The following PDLIM5 variants were observed in gnomAD, a reference collection of about 807,000 sequenced individuals.
PDLIM5 encodes the protein PDZ and LIM domain protein 5.
In PDLIM5, 34 loss-of-function variants were observed where a neutral mutation model predicts 64.2. The observed-to-expected ratio is 0.53, with a 90% CI of 0.40 to 0.71. The LOEUF (loss-of-function observed/expected upper bound fraction) is 0.71. Ranked by LOEUF, PDLIM5 falls within the 30% of genes least tolerant of loss-of-function variation. The pLI is 0.00. For missense variants in PDLIM5, 683 were observed against 733.6 expected, an observed-to-expected ratio of 0.93 and a Z score of 0.80; for synonymous variants, 253 against 269.1, an observed-to-expected ratio of 0.94 and a Z score of 0.59.
intron 7 of PDLIM5, among the ~76,000 whole-genome samples, chr4:94,602,014 GAATCT>G (rs1206565980): frequency 1.3e-5 from 2 of 152,160 alleles, no homozygotes; most frequent in Non-Finnish European, 2.9e-5. Flanking sequence ...CAAAAGGGCA[GAATCT>G]AGCTATGACT....
At chr4:94,618,685 A>G (rs1242573510) in intron 8 of PDLIM5, among the ~76,000 whole-genome samples, 1 of 152,210 alleles carries the variant, frequency 6.6e-6, no homozygotes, top group Non-Finnish European at 1.5e-5. Flanking sequence ...AGCAGGATGG[A>G]ACTGCCTGGC....
chr4:94,457,230 A>G, intron 2 of PDLIM5: 1 of 870,050 alleles, frequency 1.1e-6, no homozygotes. Context: ...GGATTTTTTT[A>G]AAGTTATCTT....
chr4:94,630,530 T>G (rs1261795588), intron 8 of PDLIM5, among the ~76,000 whole-genome samples: 3 of 152,020 alleles, frequency 2.0e-5, no homozygotes, highest in Admixed American at 1.3e-4. Flanking sequence ...CGCACCACCA[T>G]GCCCGGCTAA....
At position 94,656,851 on chromosome 4, in the gene PDLIM5, G is replaced by A. The variant is rs558189843; in HGVS notation, c.1465-576G>A. The stretch of plus-strand genomic sequence containing the variant: ...GGGTTTCACCGTGTTAGCCAGGATG[G>A]TCTCGATCTCCTGAACTCGTGATCC... On this transcript the variant is annotated intron_variant, in intron 10 of 12. Transcript: ENST00000317968. 870 of 151,766 alleles carry A rather than the reference G, an allele frequency of 5.7e-3. 3 individuals are homozygous for A. The highest frequency in any genetic ancestry group is 0.021 in the Middle Eastern group (6 of 292). 9.4% of individuals were successfully genotyped at this position (151,766 alleles called of 1,614,324 possible).
At chr4:94,625,603 C>A (rs1739620843) in intron 8 of PDLIM5, among the ~76,000 whole-genome samples, 1 of 152,032 alleles carries the variant, frequency 6.6e-6, no homozygotes, top group Non-Finnish European at 1.5e-5. Flanking sequence ...CAGGCGCCCG[C>A]CACCATGCCC....
chr4:94,461,137 A>G (rs957009010), intron 2 of PDLIM5, among the ~76,000 whole-genome samples: 2 of 152,240 alleles, frequency 1.3e-5, no homozygotes, highest in Non-Finnish European at 2.9e-5. Flanking sequence ...AGTTATTTCT[A>G]GAAGCAAACG....
At position 94,639,066 on chromosome 4, in the gene PDLIM5, G is replaced by C. The variant is rs190184894; in HGVS notation, c.1109-1210G>C. 5.4e-4 allele frequency among the ~76,000 whole-genome samples: 82 copies of C among 152,230 alleles called. No homozygotes were observed. In the Middle Eastern group the frequency reaches 0.014, roughly 25 times the overall value. On this transcript the variant is annotated intron_variant, in intron 8 of 12. Coordinates refer to ENST00000317968, the MANE Select transcript of PDLIM5 (RefSeq NM_006457.5). Reference sequence around the variant, plus strand: ...TTCAGGGAGAGTTTTTGGAGTAGTCGACTTCTGGGCTGAGACTTAAACAAT... The same window carrying C: ...TTCAGGGAGAGTTTTTGGAGTAGTCCACTTCTGGGCTGAGACTTAAACAAT...
At chr4:94,562,639 G>A (rs933675064) in intron 3 of PDLIM5, among the ~76,000 whole-genome samples, 3 of 152,142 alleles carry the variant, frequency 2.0e-5, no homozygotes, top group African/African-American at 7.2e-5. Context: ...AGTCCAGTTT[G>A]GGTGTTGAGA....
rs1728104602 is a variant in PDLIM5, at chr4:94,503,398, A to G, written c.97-20326A>G. ...AGGATTTCTTAATCTGTCTTTAGCC[A>G]GTAGAATTTTTGAATAACTTGGGTA... On this transcript the variant is annotated intron_variant, in intron 2 of 12. Transcript: ENST00000317968. 2.6e-5 allele frequency among the ~76,000 whole-genome samples: 4 copies of G among 152,326 alleles called. No homozygotes were observed. The South Asian group carries it at 8.3e-4, about 32-fold the overall frequency.
At chr4:94,547,482 C>T (rs928494520) in intron 3 of PDLIM5, among the ~76,000 whole-genome samples, 1 of 152,174 alleles carries the variant, frequency 6.6e-6, no homozygotes, top group Non-Finnish European at 1.5e-5. Context: ...CTTGTGATTA[C>T]AGTAGGCCCA....
chr4:94,559,357 G>C (rs549322050), intron 3 of PDLIM5, among the ~76,000 whole-genome samples: 1 of 152,182 alleles, frequency 6.6e-6, no homozygotes, highest in South Asian at 2.1e-4. Flanking sequence ...TTCTTCTATA[G>C]CTCTGTCTTC....
intron 2 of PDLIM5, among the ~76,000 whole-genome samples, chr4:94,468,265 G>A (rs1724549854): frequency 6.6e-6 from 1 of 152,052 alleles, no homozygotes; most frequent in South Asian, 2.1e-4. Context: ...CGATCCTCCT[G>A]CCTTAGCCTC....
intron 2 of PDLIM5, among the ~76,000 whole-genome samples, chr4:94,518,687 C>T (rs1298493079): frequency 6.6e-6 from 1 of 152,068 alleles, no homozygotes; most frequent in Non-Finnish European, 1.5e-5. Context: ...AACATAGAAT[C>T]TTCTCTTTTC....
intron 2 of PDLIM5, among the ~76,000 whole-genome samples, chr4:94,500,056 C>T (rs958084990): frequency 6.6e-6 from 1 of 152,184 alleles, no homozygotes. Flanking sequence ...TTTGTATCTG[C>T]AGGGGGTCTT....
chr4:94,611,179 C>T (rs1738335240), intron 7 of PDLIM5: 28 of 1,535,342 alleles, frequency 1.8e-5, no homozygotes, highest in Non-Finnish European at 2.3e-5. Flanking sequence ...TCAACTGGCT[C>T]TATCCATGTT....
At chr4:94,662,687 TATTAA>T in intron 12 of PDLIM5, 150 bp downstream of exon 12, 2 of 459,768 alleles carry the variant, frequency 4.4e-6, no homozygotes, top group African/African-American at 2.0e-5. Context: ...GAAAGTTGTT[TATTAA>T]ATTTTTTGGC....
At chr4:94,476,963 TTATAAA>T (rs1329289271) in intron 2 of PDLIM5, among the ~76,000 whole-genome samples, 3 of 152,216 alleles carry the variant, frequency 2.0e-5, no homozygotes, top group Non-Finnish European at 4.4e-5. Flanking sequence ...GACTGTGCAA[TTATAAA>T]TATAAACTGT....
chr4:94,664,436 C>A lies in PDLIM5; in HGVS notation c.*369C>A. On this transcript the variant is annotated 3_prime_UTR_variant, in exon 13 of 13. Transcript: ENST00000317968. Reference sequence around the variant, plus strand: ...CCTTGTTAGGTAGTTATGAGTAAATCTGCAAAAGGCAATGAAAATGCCTTA... The same window carrying A: ...CCTTGTTAGGTAGTTATGAGTAAATATGCAAAAGGCAATGAAAATGCCTTA... 1 of 796,798 alleles carries A rather than the reference C, an allele frequency of 1.3e-6. No individual in the cohort carries two copies. The highest frequency in any genetic ancestry group is 1.5e-6 in the Non-Finnish European group (1 of 657,966). The allele number at this position is 796,798 out of a possible 1,614,324, so 49.4% of individuals were successfully genotyped here. A position where few individuals can be genotyped will look rare whatever the true frequency, so the allele number is the denominator to read the frequency against.
rs568668908 is a variant in PDLIM5, at chr4:94,491,602, A to ATT, written c.97-32114_97-32113dup. ...CAACTGAGAAGCATCAGCTGTGTTG[A>ATT]TTTTTTTTTACAGCATTGGTAAGGT... On this transcript the variant is annotated intron_variant, in intron 2 of 12. Transcript: ENST00000317968. 3.6e-3 allele frequency among the ~76,000 whole-genome samples: 546 copies of ATT among 151,342 alleles called. 4 individuals are homozygous for ATT. The highest frequency in any genetic ancestry group is 0.027 in the Middle Eastern group (8 of 294).
Sources: gnomAD v4.1 joint callset for allele counts (sites outside exome capture counted in the v4.1 genomes callset) on GRCh38, gnomAD v4.1.1 for gene constraint, MANE v1.5 for transcripts, NCBI Gene and HGNC (gene_info 2026-07-23, HGNC 2026-07-21) for gene names.